CNTN4: variants seen among roughly 807,000 people sequenced by gnomAD.
The protein encoded by CNTN4 is contactin-4.
Under a neutral mutation model 122.5 loss-of-function variants are expected in CNTN4, and 77 were observed. The observed-to-expected ratio is 0.63, with a 90% CI of 0.52 to 0.76. CNTN4 has a LOEUF of 0.76. Among genes scored for constraint, CNTN4 ranks in the 30% least tolerant of loss-of-function variants. The pLI is 0.00. For missense variants in CNTN4, 1,256 were observed against 1,259.1 expected (o/e 1.00, Z 0.04); for synonymous variants, 512 against 447.0 (o/e 1.15, Z -1.83).
intron 12 of CNTN4, among the ~76,000 whole-genome samples, chr3:2,907,311 G>C (rs1371678785): frequency 2.0e-5 from 3 of 152,034 alleles, no homozygotes; most frequent in African/African-American, 7.2e-5. Context: ...AGTGGCTCAC[G>C]CCTGTAATCC....
rs562523428 is a variant in CNTN4, at chr3:2,183,843, A to G, written c.-145+83204A>G. Among the ~76,000 whole-genome samples, 4 of 152,346 alleles carry G rather than the reference A, an allele frequency of 2.6e-5. No individual in the cohort carries two copies. The South Asian group carries it at 8.3e-4, about 32-fold the overall frequency. On this transcript the variant is annotated intron_variant, in intron 2 of 24. Coordinates refer to ENST00000418658, the MANE Select transcript of CNTN4 (RefSeq NM_175607.3). ...AGTCTTTACCCCAAATGTGTCAGAA[A>G]TGGAAGACACTTCTCTCCTATTAGA...
intron 3 of CNTN4, among the ~76,000 whole-genome samples, chr3:2,475,317 C>G (rs1233671833): frequency 6.6e-6 from 1 of 152,160 alleles, no homozygotes; most frequent in Non-Finnish European, 1.5e-5. Context: ...GCACTAACCT[C>G]TTTTACACCA....
intron 6 of CNTN4, among the ~76,000 whole-genome samples, chr3:2,796,085 G>A (rs2092169880): frequency 6.6e-6 from 1 of 152,104 alleles, no homozygotes; most frequent in African/African-American, 2.4e-5. Flanking sequence ...CCCGTAAGAT[G>A]TAAAGGTTAA....
At chr3:2,985,406 G>A (rs17595878) in intron 13 of CNTN4, 4,112 of 152,310 alleles carry the variant, frequency 0.027, 76 homozygotes, top group Non-Finnish European at 0.042. Flanking sequence ...TTGTCACTTT[G>A]GGTTCAGACA....
intron 14 of CNTN4, among the ~76,000 whole-genome samples, chr3:3,016,425 G>A (rs1697761698): frequency 6.6e-6 from 1 of 152,156 alleles, no homozygotes; most frequent in African/African-American, 2.4e-5. Context: ...AGACTTCCCA[G>A]ATGAGAAACC....
chr3:2,835,191 C>T (rs1177636112), intron 7 of CNTN4, among the ~76,000 whole-genome samples: 1 of 152,018 alleles, frequency 6.6e-6, no homozygotes, highest in East Asian at 1.9e-4. Context: ...AGGCATGAGC[C>T]ACCTCGCCCG....
At chr3:3,041,883 T>C (rs947483536) in intron 20 of CNTN4, among the ~76,000 whole-genome samples, 2 of 152,118 alleles carry the variant, frequency 1.3e-5, no homozygotes, top group African/African-American at 4.8e-5. Context: ...TGGCTTGAGC[T>C]CAGGAGGTCA....
In CNTN4 at chr3:2,286,898, TGC is replaced by T. The variant is rs528044439; in HGVS notation, c.-144-52279_-144-52278del. Among the ~76,000 whole-genome samples, 696 of 152,322 alleles carry T rather than the reference TGC, an allele frequency of 4.6e-3. 5 individuals are homozygous for T. Among genetic ancestry groups the T allele is most frequent in the African/African-American group, 0.016 (668 of 41,578 alleles). On this transcript the variant is annotated intron_variant, in intron 2 of 24. Transcript: ENST00000418658. ...CAAGCATGGCATCATTATATACAAA[TGC>T]TAGATGAGCTATCAATGCAGATTTC...
intron 3 of CNTN4, among the ~76,000 whole-genome samples, chr3:2,430,000 G>A (rs1242184735): frequency 6.6e-6 from 1 of 152,108 alleles, no homozygotes; most frequent in South Asian, 2.1e-4. Context: ...GGGAATTCCC[G>A]GACCCCTTGC....
intron 2 of CNTN4, among the ~76,000 whole-genome samples, chr3:2,183,787 C>T (rs1337068940): frequency 1.3e-5 from 2 of 152,142 alleles, no homozygotes; most frequent in Non-Finnish European, 2.9e-5. Flanking sequence ...ATGATAGTCA[C>T]ATAACCACCC....
At chr3:2,331,556 T>G (rs1188191142) in intron 2 of CNTN4, among the ~76,000 whole-genome samples, 4 of 152,180 alleles carry the variant, frequency 2.6e-5, no homozygotes, top group Non-Finnish European at 5.9e-5. Flanking sequence ...ATAGAATTTT[T>G]GGCTCTGTAG....
intron 2 of CNTN4, among the ~76,000 whole-genome samples, chr3:2,164,206 AAAG>A (rs2036091048): frequency 6.6e-6 from 1 of 151,932 alleles, no homozygotes. Flanking sequence ...AAATTAAAAC[AAAG>A]AAGAAAGAGA....
At chr3:2,781,950 C>A (rs2091606857) in intron 6 of CNTN4, among the ~76,000 whole-genome samples, 1 of 149,270 alleles carries the variant, frequency 6.7e-6, no homozygotes, top group South Asian at 2.2e-4. Flanking sequence ...GTCTCGATCT[C>A]CTGACCTCGT....
chr3:2,328,362 C>T (rs11709594), intron 2 of CNTN4, among the ~76,000 whole-genome samples: 18,095 of 150,954 alleles, frequency 0.12, 1,487 homozygotes, highest in Non-Finnish European at 0.17. Context: ...GCCAAGATGG[C>T]GCCACCGCCC....
intron 3 of CNTN4, among the ~76,000 whole-genome samples, chr3:2,360,413 TG>T (rs1159483496): frequency 6.6e-6 from 1 of 152,192 alleles, no homozygotes; most frequent in Non-Finnish European, 1.5e-5. Context: ...CTGGAAATAC[TG>T]AAAAAATATA....
intron 2 of CNTN4, among the ~76,000 whole-genome samples, chr3:2,326,418 C>T (rs545685657): frequency 6.6e-6 from 1 of 152,098 alleles, no homozygotes; most frequent in Non-Finnish European, 1.5e-5. Context: ...AACTTGCTGA[C>T]TCACCCTGCA....
At chr3:2,526,231 T>C (rs7637399) in intron 3 of CNTN4, among the ~76,000 whole-genome samples, 1,589 of 152,280 alleles carry the variant, frequency 0.01, 29 homozygotes, top group African/African-American at 0.037. Flanking sequence ...TCTAGATTTA[T>C]TCTTAGTAAA....
chr3:2,940,970 A>G (rs1006720040), intron 13 of CNTN4, among the ~76,000 whole-genome samples: 1 of 152,158 alleles, frequency 6.6e-6, no homozygotes, highest in Non-Finnish European at 1.5e-5. Flanking sequence ...TTTGCTCTAA[A>G]GGGTTTTATT....
At chr3:2,781,801 T>G (rs994005729) in intron 6 of CNTN4, among the ~76,000 whole-genome samples, 7 of 131,820 alleles carry the variant, frequency 5.3e-5, no homozygotes, top group African/African-American at 2.0e-4. Flanking sequence ...CTCTGCTCAC[T>G]GCAACCTCCG....
Sources: gnomAD v4.1 joint callset for allele counts (sites outside exome capture counted in the v4.1 genomes callset) on GRCh38, gnomAD v4.1.1 for gene constraint, MANE v1.5 for transcripts, NCBI Gene and HGNC (gene_info 2026-07-23, HGNC 2026-07-21) for gene names.